PCNX2: variants seen among roughly 807,000 people sequenced by gnomAD.
The protein encoded by PCNX2 is pecanex-like protein 2.
In PCNX2, 168 loss-of-function variants were observed where a neutral mutation model predicts 223.8. The observed-to-expected ratio is 0.75, with a 90% CI of 0.66 to 0.85. PCNX2 has a LOEUF of 0.85. PCNX2 is among the 40% of genes least tolerant of loss of function. The pLI, the probability that PCNX2 is intolerant of heterozygous loss-of-function variation, is 0.00. For synonymous variants in PCNX2, 1,006 were observed against 1,052.6 expected, an observed-to-expected ratio of 0.96 and a Z score of 0.86; for missense variants, 2,507 against 2,675.5, an observed-to-expected ratio of 0.94 and a Z score of 1.39.
the PCNX2 span, among the ~76,000 whole-genome samples, chr1:233,308,119 C>T: frequency 1.3e-5 from 2 of 152,242 alleles, no homozygotes; most frequent in East Asian, 3.9e-4. Context: ...GATACCAAAT[C>T]CATACATGAA....
At chr1:233,199,346 G>A (rs1279015017) in intron 14 of PCNX2, among the ~76,000 whole-genome samples, 1 of 152,144 alleles carries the variant, frequency 6.6e-6, no homozygotes, top group Non-Finnish European at 1.5e-5. Context: ...CAAGGAAAAG[G>A]TCCTAGATAG....
intron 25 of PCNX2, among the ~76,000 whole-genome samples, chr1:233,025,889 T>C (rs965681323): frequency 1.3e-5 from 2 of 152,238 alleles, no homozygotes; most frequent in Non-Finnish European, 2.9e-5. Flanking sequence ...TTTACTAGAT[T>C]GTGAGCTCCC....
At chr1:233,026,574 G>A (rs1259143366) in intron 25 of PCNX2, among the ~76,000 whole-genome samples, 1 of 152,210 alleles carries the variant, frequency 6.6e-6, no homozygotes, top group African/African-American at 2.4e-5. Context: ...AGAGAATGAT[G>A]ACTTGGTCCT....
chr1:233,215,541 C>A (rs1682072937), intron 12 of PCNX2, among the ~76,000 whole-genome samples: 1 of 152,204 alleles, frequency 6.6e-6, no homozygotes, highest in Non-Finnish European at 1.5e-5. Context: ...CATTACAAAT[C>A]CACAAGGATT....
At chr1:233,032,630 A>G (rs1671309904) in intron 25 of PCNX2, among the ~76,000 whole-genome samples, 1 of 150,774 alleles carries the variant, frequency 6.6e-6, no homozygotes, top group Admixed American at 6.6e-5. Flanking sequence ...TTGCATGAGT[A>G]TGTGTGTGAG....
chr1:233,139,751 C>T lies in PCNX2; in HGVS notation c.3622G>A (p.Ala1208Thr), dbSNP rs1677001594. The T allele has an allele frequency of 6.2e-7, 1 of 1,609,258 alleles. No individual in the cohort carries two copies. Among genetic ancestry groups the T allele is most frequent in the Admixed American group, 1.7e-5 (1 of 59,372 alleles). ...ALILNALTID[A>T]FLISNHRRLG... is the part of the protein sequence containing the mutation. ...CTCCGGTGATTGCTTATTAAAAATGCATCAATAGTGAGGGCATTCAAAATT... is the reference window on the plus strand; with the variant it reads ...CTCCGGTGATTGCTTATTAAAAATGTATCAATAGTGAGGGCATTCAAAATT... The change falls in exon 20 of 34, where the codon GCA becomes ACA. Residue 1208 changes from alanine to threonine, a missense_variant. Coordinates refer to ENST00000258229, the MANE Select transcript of PCNX2 (RefSeq NM_014801.4). This position sits in a 1 kb window ranked among gnomAD's most constrained non-coding sequence, Gnocchi z 4.4.
chr1:233,036,994 G>A (rs1332678533), intron 25 of PCNX2, among the ~76,000 whole-genome samples: 4 of 152,184 alleles, frequency 2.6e-5, no homozygotes, highest in Non-Finnish European at 5.9e-5. Context: ...GAAAGACTGA[G>A]TCTCTCTCTT....
At chr1:233,082,423 C>T (rs1175055331) in intron 23 of PCNX2, among the ~76,000 whole-genome samples, 1 of 152,168 alleles carries the variant, frequency 6.6e-6, no homozygotes, top group Non-Finnish European at 1.5e-5. Context: ...AGATTCATGA[C>T]ATTTATCTCA....
At chr1:232,995,264 C>T (rs1571990017) in intron 32 of PCNX2, among the ~76,000 whole-genome samples, 1 of 152,282 alleles carries the variant, frequency 6.6e-6, no homozygotes, top group East Asian at 1.9e-4. Flanking sequence ...AACCCTCCAT[C>T]CCCCTAAGCA....
chr1:233,235,492 C>A (rs1369701625), intron 9 of PCNX2, among the ~76,000 whole-genome samples: 1 of 152,162 alleles, frequency 6.6e-6, no homozygotes, highest in Non-Finnish European at 1.5e-5. Flanking sequence ...CTCCCCACAT[C>A]AACAGGTATA....
At chr1:233,007,979 C>G (rs542581803) in intron 28 of PCNX2, among the ~76,000 whole-genome samples, 1 of 152,278 alleles carries the variant, frequency 6.6e-6, no homozygotes, top group African/African-American at 2.4e-5. Context: ...GTGCCCAGCC[C>G]TGAGTCATCT....
At chr1:233,225,131 A>T (rs1212938418) in intron 10 of PCNX2, among the ~76,000 whole-genome samples, 1 of 151,424 alleles carries the variant, frequency 6.6e-6, no homozygotes, top group African/African-American at 2.4e-5. Flanking sequence ...AAAAAAAAAA[A>T]AAAAAAATGT....
intron 28 of PCNX2, among the ~76,000 whole-genome samples, chr1:233,006,376 AGGCTGGG>A (rs1670285848): frequency 6.6e-6 from 1 of 152,134 alleles, no homozygotes; most frequent in Non-Finnish European, 1.5e-5. Context: ...TGTAGAGGGG[AGGCTGGG>A]GCCTCAGTGC....
chr1:233,056,023 C>T (rs1270826156), intron 24 of PCNX2, among the ~76,000 whole-genome samples: 7 of 152,162 alleles, frequency 4.6e-5, no homozygotes, highest in African/African-American at 1.7e-4. Flanking sequence ...TGAATCAAAA[C>T]TAGAGCATTT....
rs1278815383 is a variant in PCNX2 at position 233,095,839 on chromosome 1, G to A, written c.3862C>T (p.Gln1288Ter). Residue 1288 changes from glutamine to a stop codon, truncating the protein, a stop_gained, in exon 22 of 34, where the codon CAG (glutamine) becomes TAG (stop). Transcript: ENST00000258229. LOFTEE classifies it high-confidence loss of function. ...SKLGDLLHKL[Q>*]FVLTYVAPWQ... ...GGAGCCACATATGTCAGGACGAACTGTAACTTGTGAAGCAGGTCCCCGAGC... is the reference window on the plus strand; with the variant it reads ...GGAGCCACATATGTCAGGACGAACTATAACTTGTGAAGCAGGTCCCCGAGC... The A allele has an allele frequency of 6.2e-7, 1 of 1,611,304 alleles. No homozygotes were observed. The highest frequency in any genetic ancestry group is 1.7e-5 in the Admixed American group (1 of 59,638).
chr1:233,206,980 C>T (rs1333664566), intron 13 of PCNX2, among the ~76,000 whole-genome samples: 1 of 150,990 alleles, frequency 6.6e-6, no homozygotes, highest in African/African-American at 2.4e-5. Flanking sequence ...CACTGTACTC[C>T]AGCTTGGGAG....
chr1:233,314,292 A>AAGAT, the PCNX2 span, among the ~76,000 whole-genome samples: 2 of 152,302 alleles, frequency 1.3e-5, no homozygotes, highest in African/African-American at 4.8e-5. Context: ...TATTTCTGGA[A>AAGAT]AGATACAAAT....
At chr1:233,023,142 C>A (rs1331017950) in intron 26 of PCNX2, among the ~76,000 whole-genome samples, 1 of 152,176 alleles carries the variant, frequency 6.6e-6, no homozygotes, top group African/African-American at 2.4e-5. Context: ...TCAGTCAGCC[C>A]CTGGATCTAG....
At chr1:233,271,099 A>G (rs1042499765) in intron 1 of PCNX2, among the ~76,000 whole-genome samples, 3 of 152,198 alleles carry the variant, frequency 2.0e-5, no homozygotes, top group African/African-American at 7.2e-5. Context: ...TATATTTTTA[A>G]TGTACACTGA....
Sources: allele counts gnomAD v4.1 joint callset (sites outside exome capture counted in the v4.1 genomes callset), GRCh38; gene constraint gnomAD v4.1.1; non-coding constraint Gnocchi (gnomAD v3.1); transcripts MANE v1.5; gene names NCBI Gene and HGNC (gene_info 2026-07-23, HGNC 2026-07-21).